CNTNAP2: variants seen among roughly 807,000 people sequenced by gnomAD.
CNTNAP2 encodes the protein contactin-associated protein-like 2.
CNTNAP2 carries 98 observed loss-of-function variants against 155.2 expected under a neutral mutation model. The ratio of observed to expected loss-of-function variants is 0.63; its 90% CI spans 0.54 to 0.75. The LOEUF is 0.75. Among genes scored for constraint, CNTNAP2 ranks in the 30% least tolerant of loss-of-function variants. The probability of loss-of-function intolerance (pLI) is 0.00; values close to 1 mark genes in which losing one functional copy is unlikely to be tolerated. For synonymous variants in CNTNAP2, 651 were observed against 631.2 expected, an observed-to-expected ratio of 1.03 and a Z score of -0.47; for missense variants, 1,727 against 1,688.1, an observed-to-expected ratio of 1.02 and a Z score of -0.40.
intron 1 of CNTNAP2, among the ~76,000 whole-genome samples, chr7:146,752,218 T>C (rs1801917935): frequency 6.6e-6 from 1 of 152,184 alleles, no homozygotes; most frequent in African/African-American, 2.4e-5. Flanking sequence ...TCCACAGTGA[T>C]TGAACTAATT....
At chr7:146,150,529 A>C (rs1311153055) in intron 1 of CNTNAP2, among the ~76,000 whole-genome samples, 1 of 152,032 alleles carries the variant, frequency 6.6e-6, no homozygotes, top group East Asian at 1.9e-4. Context: ...CAGATTTTTT[A>C]TATTAATTTT....
intron 3 of CNTNAP2, among the ~76,000 whole-genome samples, chr7:147,034,044 A>T (rs1799097590): frequency 1.3e-5 from 2 of 152,170 alleles, no homozygotes; most frequent in Non-Finnish European, 2.9e-5. Flanking sequence ...CTACTCCTTA[A>T]TTATATGCTA....
chr7:148,324,109 T>C (rs1453183389), intron 21 of CNTNAP2, among the ~76,000 whole-genome samples: 1 of 152,080 alleles, frequency 6.6e-6, no homozygotes, highest in Non-Finnish European at 1.5e-5. Flanking sequence ...GGTCTCGAAC[T>C]CCTGACCTCA....
chr7:148,224,562 T>G (rs1795812123), intron 19 of CNTNAP2, among the ~76,000 whole-genome samples: 1 of 152,184 alleles, frequency 6.6e-6, no homozygotes, highest in Non-Finnish European at 1.5e-5. Flanking sequence ...CTTTATTCTG[T>G]AAAGAATTGG....
At chr7:146,216,437 G>A (rs1799114387) in intron 1 of CNTNAP2, among the ~76,000 whole-genome samples, 1 of 152,210 alleles carries the variant, frequency 6.6e-6, no homozygotes, top group African/African-American at 2.4e-5. Flanking sequence ...CCTTGTTGGT[G>A]CTGCAGTTAA....
intron 3 of CNTNAP2, among the ~76,000 whole-genome samples, chr7:146,936,922 T>G (rs1406604844): frequency 6.6e-6 from 1 of 152,212 alleles, no homozygotes; most frequent in Non-Finnish European, 1.5e-5. Flanking sequence ...TCACGAAGGT[T>G]TCATTGCTTC....
At chr7:146,460,577 T>C (rs1190790052) in intron 1 of CNTNAP2, among the ~76,000 whole-genome samples, 2 of 152,172 alleles carry the variant, frequency 1.3e-5, no homozygotes, top group Non-Finnish European at 2.9e-5. Flanking sequence ...TATATATGTA[T>C]ATATACTACA....
chr7:146,930,167 A>T (rs1185422870), intron 3 of CNTNAP2, among the ~76,000 whole-genome samples: 1 of 152,172 alleles, frequency 6.6e-6, no homozygotes, highest in Non-Finnish European at 1.5e-5. Flanking sequence ...TGAAGGAAAA[A>T]ATGTTAAGGG....
intron 20 of CNTNAP2, among the ~76,000 whole-genome samples, chr7:148,259,928 C>T (rs767487324): frequency 2.0e-5 from 3 of 152,116 alleles, no homozygotes; most frequent in Non-Finnish European, 4.4e-5. Flanking sequence ...TTTTAATGAG[C>T]CTCTATTACA....
intron 1 of CNTNAP2, among the ~76,000 whole-genome samples, chr7:146,388,812 G>C (rs1233755480): frequency 6.6e-6 from 1 of 151,996 alleles, no homozygotes; most frequent in South Asian, 2.1e-4. Flanking sequence ...ATGTCCATGG[G>C]TTCAATTGTT....
intron 11 of CNTNAP2, among the ~76,000 whole-genome samples, chr7:147,502,456 A>G (rs1798832411): frequency 6.6e-6 from 1 of 152,208 alleles, no homozygotes; most frequent in Non-Finnish European, 1.5e-5. Context: ...TCAAACTCAC[A>G]GAAACAGGGA....
intron 13 of CNTNAP2, among the ~76,000 whole-genome samples, chr7:147,850,165 A>T (rs1198586046): frequency 6.6e-6 from 1 of 152,242 alleles, no homozygotes; most frequent in African/African-American, 2.4e-5. Flanking sequence ...AAAAAATAAT[A>T]AATGCTTCAA....
chr7:146,928,594 G>A (rs369244494), intron 3 of CNTNAP2, among the ~76,000 whole-genome samples: 2 of 152,278 alleles, frequency 1.3e-5, no homozygotes, highest in East Asian at 3.9e-4. Flanking sequence ...GCAGGACAGT[G>A]GGTGCAGCGC....
In CNTNAP2 at chr7:148,003,643, A is replaced by G. The variant is rs149850112; in HGVS notation, c.2383+25654A>G. 1.4e-3 allele frequency among the ~76,000 whole-genome samples: 206 copies of G among 152,328 alleles called. 1 individual carries two copies. The highest frequency in any genetic ancestry group is 4.7e-3 in the African/African-American group (195 of 41,592). On this transcript the variant is annotated intron_variant, in intron 15 of 23. Transcript: ENST00000361727. ...TAGGATTGTTCCAATTATCAATCCT[A>G]TTAGATAAGCATATGTAGAAACCTG...
chr7:146,915,953 G>C (rs114838349), intron 3 of CNTNAP2: 1 of 152,034 alleles, frequency 6.6e-6, no homozygotes, highest in African/African-American at 2.4e-5. Flanking sequence ...TTGACTGTGG[G>C]TTTGTTATAT....
At position 146,170,851 on chromosome 7, in the gene CNTNAP2, C is replaced by A. The variant is rs78083019; in HGVS notation, c.97+53878C>A. On this transcript the variant is annotated intron_variant, in intron 1 of 23. Transcript: ENST00000361727. ...GACCAGCCTGGCCAACATAGTGAAA[C>A]CCTGTTTCTACTAAAACTACAAAAA... Among the ~76,000 whole-genome samples the A allele has an allele frequency of 8.2e-4, 125 of 152,092 alleles. 1 individual carries two copies. Among genetic ancestry groups the A allele is most frequent in the African/African-American group, 2.8e-3 (115 of 41,514 alleles).
intron 3 of CNTNAP2, among the ~76,000 whole-genome samples, chr7:146,953,768 C>G (rs1474089555): frequency 2.0e-5 from 3 of 151,984 alleles, no homozygotes; most frequent in South Asian, 2.1e-4. Flanking sequence ...ACTGATTGAA[C>G]AATTCCAGCT....
At chr7:147,189,193 A>T (rs946231736) in intron 8 of CNTNAP2, among the ~76,000 whole-genome samples, 3 of 152,190 alleles carry the variant, frequency 2.0e-5, no homozygotes, top group African/African-American at 7.2e-5. Context: ...AGAATTAGAA[A>T]ATCTAAAGGA....
intron 3 of CNTNAP2, among the ~76,000 whole-genome samples, chr7:146,907,788 TCA>T (rs1308156915): frequency 6.6e-6 from 1 of 150,850 alleles, no homozygotes; most frequent in East Asian, 2.0e-4. Context: ...AGGATCAAAT[TCA>T]CACATAACAA....
Sources: gnomAD v4.1 joint callset for allele counts (sites outside exome capture counted in the v4.1 genomes callset) on GRCh38, gnomAD v4.1.1 for gene constraint, MANE v1.5 for transcripts, NCBI Gene and HGNC (gene_info 2026-07-23, HGNC 2026-07-21) for gene names.